The following CHD1L variants were observed in gnomAD, a reference collection of about 807,000 sequenced individuals.
CHD1L encodes the protein chromodomain helicase DNA binding protein 1 like, also known as ATP-dependent chromatin remodeler CHD1L.
A neutral mutation model predicts 115.9 loss-of-function variants in CHD1L; 118 were observed. That is an observed-to-expected ratio of 1.02 (90% CI 0.88 to 1.19). The LOEUF is 1.19. Among genes scored for constraint, CHD1L ranks in the 50% most tolerant of loss-of-function variants. The probability of loss-of-function intolerance (pLI) is 0.00; values close to 1 mark genes in which losing one functional copy is unlikely to be tolerated. For missense variants in CHD1L, 1,179 were observed against 1,065.3 expected (o/e 1.11, Z -1.49); for synonymous variants, 411 against 387.1 (o/e 1.06, Z -0.72).
the CHD1L span, among the ~76,000 whole-genome samples, chr1:147,202,463 G>T: frequency 6.6e-6 from 1 of 151,796 alleles, no homozygotes; most frequent in African/African-American, 2.4e-5. Flanking sequence ...TGGACTACAG[G>T]CACCTGCCAC....
At chr1:147,226,298 T>G in the CHD1L span, among the ~76,000 whole-genome samples, 8 of 152,050 alleles carry the variant, frequency 5.3e-5, no homozygotes, top group African/African-American at 1.9e-4. Flanking sequence ...TCTACACTTC[T>G]GGAAGAAATT....
At chr1:147,234,889 T>C in the CHD1L span, among the ~76,000 whole-genome samples, 2 of 152,210 alleles carry the variant, frequency 1.3e-5, no homozygotes, top group African/African-American at 2.4e-5. Context: ...TCAACTTATA[T>C]ACTAGGGTAA....
chr1:147,278,381 C>G (rs587743068), intron 14 of CHD1L, among the ~76,000 whole-genome samples: 1 of 151,546 alleles, frequency 6.6e-6, no homozygotes, highest in East Asian at 1.9e-4. Context: ...CGCACCACCA[C>G]GCCTAGCTAA....
intron 1 of CHD1L, among the ~76,000 whole-genome samples, chr1:147,247,629 C>T (rs1667026253): frequency 6.6e-6 from 1 of 152,152 alleles, no homozygotes; most frequent in South Asian, 2.1e-4. Flanking sequence ...AATTATCCAA[C>T]CTCGAGTATT....
chr1:147,180,396 A>G, the CHD1L span, among the ~76,000 whole-genome samples: 1 of 152,076 alleles, frequency 6.6e-6, no homozygotes, highest in Non-Finnish European at 1.5e-5. Flanking sequence ...GGTTCAAGCA[A>G]TTCTCCTGCC....
the CHD1L span, chr1:147,223,528 C>T: frequency 6.6e-6 from 1 of 152,546 alleles, no homozygotes; most frequent in African/African-American, 2.4e-5. Flanking sequence ...TAAAAGCAAA[C>T]CCGTTCTCCT....
intron 1 of CHD1L, 49 bp from the exon 2 acceptor site, chr1:147,252,574 A>T (rs1255292013): frequency 2.9e-6 from 4 of 1,394,538 alleles, no homozygotes; most frequent in Non-Finnish European, 3.0e-6. Flanking sequence ...TTGCCTCTGC[A>T]TGTACTGAAA....
In CHD1L at chr1:147,294,458, G is replaced by C. The variant is rs1553974573; in HGVS notation, c.2556G>C (p.Trp852Cys). The C allele has an allele frequency of 1.2e-6, 2 of 1,613,384 alleles. No homozygotes were observed. Among genetic ancestry groups the C allele is most frequent in the Non-Finnish European group, 1.7e-6 (2 of 1,179,720 alleles). ...GACATGCCACGAAAGGTTTTAACTG[G>C]TATGGTACTGAGCGACTTATTCGGA... ...RIGHATKGFNWYGTERLIRKH... is the reference protein window; with the variant it reads ...RIGHATKGFNCYGTERLIRKH... The change falls in exon 22 of 23, where the codon TGG becomes TGC. Residue 852 changes from tryptophan (W) to cysteine (C), a missense_variant. Physicochemically the swap from Trp to Cys is radical, Grantham distance 215 (BLOSUM62 -2). Coordinates refer to ENST00000369258, the MANE Select transcript of CHD1L (RefSeq NM_004284.6).
chr1:147,274,149 T>C (rs781872561), intron 12 of CHD1L, among the ~76,000 whole-genome samples: 1 of 152,192 alleles, frequency 6.6e-6, no homozygotes, highest in Non-Finnish European at 1.5e-5. Context: ...CCTTCTAGGC[T>C]TGCAACTTCA....
At chr1:147,233,493 G>T in the CHD1L span, among the ~76,000 whole-genome samples, 5 of 149,032 alleles carry the variant, frequency 3.4e-5, no homozygotes, top group African/African-American at 1.2e-4. Context: ...CCCCCCGCCC[G>T]GCCAGCCGCC....
the CHD1L span, among the ~76,000 whole-genome samples, chr1:147,183,225 A>G: frequency 6.6e-6 from 1 of 152,156 alleles, no homozygotes; most frequent in African/African-American, 2.4e-5. Context: ...ACTGATTCAG[A>G]TCAATGACTC....
At chr1:147,282,203 G>A (rs1681169854) in intron 15 of CHD1L, among the ~76,000 whole-genome samples, 1 of 152,198 alleles carries the variant, frequency 6.6e-6, no homozygotes, top group Non-Finnish European at 1.5e-5. Context: ...CTTTTACATG[G>A]AGGGCACCTT....
chr1:147,267,632 C>A, intron 9 of CHD1L, 114 bp downstream of exon 9: 2 of 740,358 alleles, frequency 2.7e-6, no homozygotes, highest in Non-Finnish European at 4.5e-6. Flanking sequence ...TTTGTTTATT[C>A]TCAATTTCTC....
chr1:147,211,479 A>G, the CHD1L span: 1 of 152,222 alleles, frequency 6.6e-6, no homozygotes, highest in Admixed American at 6.5e-5. Flanking sequence ...CAATGAGAAG[A>G]AGTGTTTTTC....
the CHD1L span, chr1:147,223,825 C>CAGCT: frequency 6.8e-6 from 2 of 292,594 alleles, no homozygotes; most frequent in Non-Finnish European, 1.3e-5. Context: ...CACTGCCAAA[C>CAGCT]AGCTACTGAC....
the CHD1L span, among the ~76,000 whole-genome samples, chr1:147,220,706 A>T: frequency 6.6e-6 from 1 of 152,176 alleles, no homozygotes; most frequent in African/African-American, 2.4e-5. Context: ...GTTGATTTTC[A>T]TATATGGCAA....
chr1:147,279,626 C>T (rs1553960327), intron 14 of CHD1L, among the ~76,000 whole-genome samples: 1 of 152,132 alleles, frequency 6.6e-6, no homozygotes, highest in African/African-American at 2.4e-5. Flanking sequence ...TCTAAGGAGT[C>T]TGGCAGTGGA....
chr1:147,279,392 G>A (rs1679902081), intron 14 of CHD1L, among the ~76,000 whole-genome samples: 1 of 152,168 alleles, frequency 6.6e-6, no homozygotes. Context: ...AATAGGCTGA[G>A]AGTACTCCAG....
the CHD1L span, among the ~76,000 whole-genome samples, chr1:147,219,114 T>C: frequency 6.6e-6 from 1 of 152,150 alleles, no homozygotes; most frequent in Non-Finnish European, 1.5e-5. Flanking sequence ...ATTATGGAAA[T>C]TGAATTTGGA....
Sources: gnomAD v4.1 joint callset for allele counts (sites outside exome capture counted in the v4.1 genomes callset) on GRCh38, gnomAD v4.1.1 for gene constraint, MANE v1.5 for transcripts, NCBI Gene and HGNC (gene_info 2026-07-23, HGNC 2026-07-21) for gene names.